The following CCDC146 variants were observed in gnomAD, a reference collection of about 807,000 sequenced individuals.
CCDC146 encodes coiled-coil domain containing 146, also known as coiled-coil domain-containing protein 146.
A neutral mutation model predicts 119.3 loss-of-function variants in CCDC146; 92 were observed. That is an observed-to-expected ratio of 0.77 (90% confidence interval 0.65 to 0.92). The LOEUF (loss-of-function observed/expected upper bound fraction) is 0.92, where lower values mean the gene tolerates loss of function less well. CCDC146 is among the 40% of genes least tolerant of loss of function. CCDC146 has a pLI of 0.00. For missense variants in CCDC146, 1,000 were observed against 1,103.0 expected (o/e 0.91, Z 1.32); for synonymous variants, 372 against 371.8 (o/e 1.00, Z -0.01).
chr7:77,247,315 T>G (rs1006439920), intron 4 of CCDC146, among the ~76,000 whole-genome samples: 22 of 148,878 alleles, frequency 1.5e-4, no homozygotes, highest in African/African-American at 4.6e-4. Context: ...AGTCACATCT[T>G]GTGAAAGAGC....
At chr7:77,191,335 C>G (rs1424604538) in intron 2 of CCDC146, among the ~76,000 whole-genome samples, 2 of 152,170 alleles carry the variant, frequency 1.3e-5, no homozygotes, top group Non-Finnish European at 2.9e-5. Context: ...TGTTCACAGT[C>G]TCTCATATCC....
intron 9 of CCDC146, among the ~76,000 whole-genome samples, chr7:77,263,407 TCA>T (rs1348954812): frequency 6.6e-6 from 1 of 152,224 alleles, no homozygotes; most frequent in African/African-American, 2.4e-5. Flanking sequence ...AACAGTGGTC[TCA>T]GAGTCCTCTT....
intron 3 of CCDC146, 102 bp downstream of exon 3, chr7:77,237,131 G>A: frequency 1.1e-6 from 1 of 939,000 alleles, no homozygotes; most frequent in East Asian, 2.6e-5. Context: ...CAGACCCTGA[G>A]GCAAGGATTT....
intron 1 of CCDC146, among the ~76,000 whole-genome samples, chr7:77,159,567 C>T (rs1351313676): frequency 6.6e-6 from 1 of 152,056 alleles, no homozygotes; most frequent in African/African-American, 2.4e-5. Flanking sequence ...CATATCTTGG[C>T]TTTTGTAAAT....
At chr7:77,131,709 C>T (rs1225964046) in intron 1 of CCDC146, among the ~76,000 whole-genome samples, 1 of 152,226 alleles carries the variant, frequency 6.6e-6, no homozygotes, top group Non-Finnish European at 1.5e-5. Context: ...CAGAGTGAGA[C>T]TCCGTCTAAA....
intron 15 of CCDC146, among the ~76,000 whole-genome samples, chr7:77,286,039 G>C (rs1793842235): frequency 6.6e-6 from 1 of 152,168 alleles, no homozygotes; most frequent in Non-Finnish European, 1.5e-5. Flanking sequence ...CTGTGTGTTA[G>C]TTCATTTGCA....
intron 2 of CCDC146, among the ~76,000 whole-genome samples, chr7:77,210,373 G>A (rs978869987): frequency 1.3e-5 from 2 of 152,158 alleles, no homozygotes; most frequent in Non-Finnish European, 2.9e-5. Context: ...CTAAACCATA[G>A]CAAGAGTGAC....
intron 2 of CCDC146, among the ~76,000 whole-genome samples, chr7:77,171,798 C>T (rs1791426618): frequency 1.3e-5 from 2 of 152,126 alleles, no homozygotes; most frequent in Non-Finnish European, 2.9e-5. Flanking sequence ...TTATTTGTAG[C>T]AAAAGTTATG....
intron 1 of CCDC146, among the ~76,000 whole-genome samples, chr7:77,154,384 T>A (rs10260400): frequency 6.6e-6 from 1 of 152,198 alleles, no homozygotes; most frequent in South Asian, 2.1e-4. Flanking sequence ...GTATACATGT[T>A]CCATGTTGGT....
chr7:77,204,922 C>T (rs1177406924), intron 2 of CCDC146, among the ~76,000 whole-genome samples: 2 of 152,130 alleles, frequency 1.3e-5, no homozygotes, highest in African/African-American at 4.8e-5. Context: ...AATTCAAGAC[C>T]AGCTTGGGCA....
intron 9 of CCDC146, among the ~76,000 whole-genome samples, chr7:77,271,161 T>G (rs1793504663): frequency 6.6e-6 from 1 of 151,454 alleles, no homozygotes; most frequent in African/African-American, 2.4e-5. Context: ...TCTGTGAAGG[T>G]GTTGCCAAAG....
rs1231556906 is a variant in CCDC146 at position 77,241,854 on chromosome 7, A to C, written c.403A>C (p.Asn135His). 6.2e-7 allele frequency: 1 copy of C among 1,613,914 alleles called. No individual in the cohort carries two copies. Among genetic ancestry groups the C allele is most frequent in the Non-Finnish European group, 8.5e-7 (1 of 1,179,968 alleles). ...EQLLKYQNEY[N>H]AVKEREFHNQ... ...ACTTCTCAAGTATCAAAATGAATAT[A>C]ATGCAGTGAAGGAAAGAGAGTTCCA... The change falls in exon 4 of 19, where the codon AAT (asparagine) becomes CAT (histidine). Residue 135 changes from asparagine (N) to histidine (H), a missense_variant. Asn to His is a moderately conservative substitution (Grantham distance 68). Coordinates refer to ENST00000285871, the MANE Select transcript of CCDC146 (RefSeq NM_020879.3).
chr7:77,128,047 A>G (rs1400973635), intron 1 of CCDC146, among the ~76,000 whole-genome samples: 1 of 152,022 alleles, frequency 6.6e-6, no homozygotes, highest in Non-Finnish European at 1.5e-5. Context: ...CGTTTATTTT[A>G]CTGTGGTTTC....
rs118014318 is a variant in CCDC146, at chr7:77,261,816, T to G, written c.987-305T>G. ...TGGCTGCATAATAGTCTGTGGCATA[T>G]GTACCACATTTTCTTTATCTGGTCT... On this transcript the variant is annotated intron_variant, in intron 8 of 18. Transcript: ENST00000285871. 2.0e-5 allele frequency among the ~76,000 whole-genome samples: 3 copies of G among 152,370 alleles called. No homozygotes were observed. The East Asian group carries it at 5.8e-4, about 29-fold the overall frequency.
intron 14 of CCDC146, among the ~76,000 whole-genome samples, chr7:77,281,583 A>C (rs747951114): frequency 6.6e-6 from 1 of 152,154 alleles, no homozygotes; most frequent in East Asian, 1.9e-4. Context: ...AGACCTTGAG[A>C]GTACAAAAAA....
At chr7:77,256,718 C>T (rs927097600) in intron 6 of CCDC146, among the ~76,000 whole-genome samples, 6 of 152,136 alleles carry the variant, frequency 3.9e-5, no homozygotes, top group East Asian at 3.8e-4. Context: ...CTCGATAATT[C>T]GGAGCCCTCA....
chr7:77,143,067 C>T (rs1024183675), intron 1 of CCDC146, among the ~76,000 whole-genome samples: 1 of 151,810 alleles, frequency 6.6e-6, no homozygotes, highest in Non-Finnish European at 1.5e-5. Flanking sequence ...CACATCCTCT[C>T]CAGCACCTGT....
intron 9 of CCDC146, among the ~76,000 whole-genome samples, chr7:77,266,718 C>A (rs1793409216): frequency 6.6e-6 from 1 of 151,150 alleles, no homozygotes; most frequent in Non-Finnish European, 1.5e-5. Flanking sequence ...ATGACTGCAG[C>A]TCTACACCAG....
At chr7:77,213,126 G>A (rs1792221096) in intron 2 of CCDC146, among the ~76,000 whole-genome samples, 1 of 151,624 alleles carries the variant, frequency 6.6e-6, no homozygotes, top group African/African-American at 2.4e-5. Flanking sequence ...GATCTCACTT[G>A]GTCACCCAGG....
Sources: allele counts gnomAD v4.1 joint callset (sites outside exome capture counted in the v4.1 genomes callset), GRCh38; gene constraint gnomAD v4.1.1; transcripts MANE v1.5; gene names NCBI Gene and HGNC (gene_info 2026-07-23, HGNC 2026-07-21).